Variants in PTCHD4 observed in about 807,000 individuals in gnomAD.
PTCHD4 encodes the protein patched domain-containing protein 4.
PTCHD4 carries 33 observed loss-of-function variants against 58.1 expected under a neutral mutation model. The observed-to-expected ratio is 0.57, with a 90% CI of 0.43 to 0.76. The LOEUF (loss-of-function observed/expected upper bound fraction) is 0.76. PTCHD4 is among the 30% of genes least tolerant of loss of function. PTCHD4 has a pLI of 0.00. For synonymous variants in PTCHD4, 478 were observed against 409.6 expected (o/e 1.17, Z -2.02); for missense variants, 1,058 against 1,027.1 (o/e 1.03, Z -0.41).
chr6:47,944,085 G>A (rs558144390), intron 4 of PTCHD4, among the ~76,000 whole-genome samples: 1 of 152,138 alleles, frequency 6.6e-6, no homozygotes, highest in South Asian at 2.1e-4. Flanking sequence ...AGAAGTAGAT[G>A]ATTTTGAAAG....
In PTCHD4 at chr6:47,862,641, T is replaced by C. The variant is rs1374207740; in HGVS notation, c.*15662A>G. ...AAAAATTAGTTCTGTGTTATTTTAATTGAAATTCATGCTGATGAATCATTT... is the reference window on the plus strand; with the variant it reads ...AAAAATTAGTTCTGTGTTATTTTAACTGAAATTCATGCTGATGAATCATTT... On this transcript the variant is annotated 3_prime_UTR_variant, in exon 5 of 5. Transcript: ENST00000339488. 6.6e-6 allele frequency among the ~76,000 whole-genome samples: 1 copy of C among 151,870 alleles called. No individual in the cohort carries two copies. Among genetic ancestry groups the C allele is most frequent in the Non-Finnish European group, 1.5e-5 (1 of 67,840 alleles).
intron 4 of PTCHD4, chr6:47,901,550 A>T: frequency 9.9e-7 from 1 of 1,013,018 alleles, no homozygotes; most frequent in Non-Finnish European, 1.2e-6. Flanking sequence ...ATCACTAAAC[A>T]GTACTTATAA....
rs773251084 is a variant in PTCHD4 at position 47,876,482 on chromosome 6, G to A, written c.*1821C>T. On this transcript the variant is annotated 3_prime_UTR_variant, in exon 5 of 5. Transcript: ENST00000339488. The stretch of plus-strand genomic sequence containing the variant: ...ATATTCTGGAAAGTTATATGTCTAA[G>A]TATACTTGTTTTGTTACTTCATTAG... Among the ~76,000 whole-genome samples the A allele has an allele frequency of 1.3e-5, 2 of 151,880 alleles. No homozygotes were observed. The highest frequency in any genetic ancestry group is 2.4e-5 in the African/African-American group (1 of 41,388).
chr6:48,076,711 A>G (rs567440472), intron 1 of PTCHD4, among the ~76,000 whole-genome samples: 3 of 152,264 alleles, frequency 2.0e-5, no homozygotes, highest in Non-Finnish European at 4.4e-5. Context: ...TGAGCAATTA[A>G]TGATTCATGA....
Position 48,065,724 on chromosome 6 carries a change from C to T in PTCHD4, c.417+2506G>A, listed in dbSNP as rs71568434. Among the ~76,000 whole-genome samples the T allele has an allele frequency of 4.4e-3, 665 of 152,228 alleles. 6 individuals are homozygous for T. Among genetic ancestry groups the T allele is most frequent in the Non-Finnish European group, 6.9e-3 (466 of 68,014 alleles). ...TTTGAACACTTGAGAGGGCCCATTGCTTTCAGAAAATCTCAAAAGCCCAAT... is the reference window on the plus strand; with the variant it reads ...TTTGAACACTTGAGAGGGCCCATTGTTTTCAGAAAATCTCAAAAGCCCAAT... On this transcript the variant is annotated intron_variant, in intron 3 of 4. Coordinates refer to ENST00000339488, the MANE Select transcript of PTCHD4 (RefSeq NM_001384253.1).
chr6:47,938,571 T>C (rs1766099801), intron 4 of PTCHD4, among the ~76,000 whole-genome samples: 1 of 152,176 alleles, frequency 6.6e-6, no homozygotes, highest in Non-Finnish European at 1.5e-5. Context: ...AACTGCAACA[T>C]AGTACTAGGC....
chr6:47,965,139 G>A (rs971910117), intron 4 of PTCHD4, among the ~76,000 whole-genome samples: 2 of 151,970 alleles, frequency 1.3e-5, no homozygotes, highest in African/African-American at 4.8e-5. Flanking sequence ...GGGTACTAAC[G>A]GGAAAAATGT....
chr6:47,921,840 G>C (rs1213746044), intron 4 of PTCHD4, among the ~76,000 whole-genome samples: 5 of 151,912 alleles, frequency 3.3e-5, no homozygotes, highest in African/African-American at 1.2e-4. Context: ...GCAAAATAGG[G>C]TGGCTCATGC....
intron 1 of PTCHD4, among the ~76,000 whole-genome samples, chr6:48,106,446 G>A (rs959557803): frequency 1.8e-4 from 27 of 152,176 alleles, no homozygotes; most frequent in African/African-American, 5.8e-4. Context: ...TTGATAAGAC[G>A]TATCTCAAAA....
chr6:48,037,422 A>G (rs919234813), intron 3 of PTCHD4, among the ~76,000 whole-genome samples: 6 of 152,182 alleles, frequency 3.9e-5, no homozygotes, highest in Middle Eastern at 3.2e-3. Context: ...CTGTACTTAA[A>G]GTTGACATGC....
chr6:48,057,234 C>T (rs1015615476), intron 3 of PTCHD4, among the ~76,000 whole-genome samples: 44 of 149,704 alleles, frequency 2.9e-4, no homozygotes, highest in African/African-American at 1.1e-3. Flanking sequence ...GTTGCTTGTG[C>T]CTCGTGTATC....
chr6:47,904,849 A>T (rs537270287), intron 4 of PTCHD4, among the ~76,000 whole-genome samples: 2 of 152,262 alleles, frequency 1.3e-5, no homozygotes, highest in South Asian at 4.1e-4. Flanking sequence ...AAATGCTATG[A>T]AGAAAAGGCT....
chr6:48,032,703 A>G (rs1445215348), intron 3 of PTCHD4, among the ~76,000 whole-genome samples: 1 of 152,140 alleles, frequency 6.6e-6, no homozygotes, highest in Non-Finnish European at 1.5e-5. Flanking sequence ...AAACTTCAGA[A>G]TTTTCTGTCA....
At chr6:47,991,450 G>A (rs1296321105) in intron 4 of PTCHD4, among the ~76,000 whole-genome samples, 1 of 152,088 alleles carries the variant, frequency 6.6e-6, no homozygotes, top group Non-Finnish European at 1.5e-5. Context: ...TGCACCAGCA[G>A]GACATTTCTA....
chr6:47,913,688 G>C (rs1022506360), intron 4 of PTCHD4, among the ~76,000 whole-genome samples: 1 of 152,056 alleles, frequency 6.6e-6, no homozygotes, highest in African/African-American at 2.4e-5. Flanking sequence ...AACAAAGAGA[G>C]CCCAAATTAT....
At chr6:47,884,110 G>GTGTA (rs576965670) in intron 4 of PTCHD4, among the ~76,000 whole-genome samples, 8 of 151,984 alleles carry the variant, frequency 5.3e-5, no homozygotes, top group African/African-American at 1.2e-4. Flanking sequence ...GTGTGTGTGT[G>GTGTA]TGTATGTATG....
Position 48,062,676 on chromosome 6 carries a change from C to T in PTCHD4, c.417+5554G>A, listed in dbSNP as rs191840018. On this transcript the variant is annotated intron_variant, in intron 3 of 4. Transcript: ENST00000339488. ...AAAAGAACTTATCCCAATAGGATGG[C>T]CAGGAAAAATATGTACAATAATTCA... 2.7e-3 allele frequency among the ~76,000 whole-genome samples: 406 copies of T among 152,116 alleles called. 3 individuals carry two copies. The highest frequency in any genetic ancestry group is 9.5e-3 in the African/African-American group (396 of 41,486).
intron 4 of PTCHD4, among the ~76,000 whole-genome samples, chr6:47,969,066 T>G (rs1767405275): frequency 6.6e-6 from 1 of 152,214 alleles, no homozygotes; most frequent in Non-Finnish European, 1.5e-5. Flanking sequence ...TGAATTCCAC[T>G]TGACATTGCT....
chr6:48,059,095 C>A (rs111572307), intron 3 of PTCHD4, among the ~76,000 whole-genome samples: 97 of 152,342 alleles, frequency 6.4e-4, no homozygotes, highest in African/African-American at 2.1e-3. Flanking sequence ...GAACCAGGTG[C>A]TGTTCTAAGC....
Sources: gnomAD v4.1 joint callset for allele counts (sites outside exome capture counted in the v4.1 genomes callset) on GRCh38, gnomAD v4.1.1 for gene constraint, MANE v1.5 for transcripts, NCBI Gene and HGNC (gene_info 2026-07-23, HGNC 2026-07-21) for gene names.